NTRK3: variants seen among roughly 807,000 people sequenced by gnomAD.
The protein encoded by NTRK3 is neurotrophic receptor tyrosine kinase 3.
NTRK3 carries 24 observed loss-of-function variants against 91.7 expected under a neutral mutation model. The observed-to-expected ratio is 0.26, with a 90% CI of 0.19 to 0.37. The LOEUF (loss-of-function observed/expected upper bound fraction) is 0.37. Among genes scored for constraint, NTRK3 ranks in the 10% least tolerant of loss-of-function variants. NTRK3 has a pLI of 1.00. For missense variants in NTRK3, 880 were observed against 1,068.9 expected (o/e 0.82, Z 2.46); for synonymous variants, 483 against 404.0 (o/e 1.20, Z -2.34).
chr15:87,920,104 A>T (rs2067753654), intron 17 of NTRK3, among the ~76,000 whole-genome samples: 1 of 152,224 alleles, frequency 6.6e-6, no homozygotes, highest in Non-Finnish European at 1.5e-5. Flanking sequence ...CACAGAACTG[A>T]CACTGAGACC....
chr15:88,101,037 G>C (rs1393380466), intron 13 of NTRK3, among the ~76,000 whole-genome samples: 1 of 152,136 alleles, frequency 6.6e-6, no homozygotes, highest in Non-Finnish European at 1.5e-5. Context: ...AAACTAAAGA[G>C]CTGCTGCACA....
intron 13 of NTRK3, among the ~76,000 whole-genome samples, chr15:88,114,411 T>C (rs925885417): frequency 2.6e-5 from 4 of 152,230 alleles, no homozygotes; most frequent in African/African-American, 9.7e-5. Flanking sequence ...ATATTTTCTC[T>C]TTATTTTACA....
At chr15:87,888,083 C>G (rs1294874658) in intron 17 of NTRK3, among the ~76,000 whole-genome samples, 1 of 152,162 alleles carries the variant, frequency 6.6e-6, no homozygotes, top group African/African-American at 2.4e-5. Flanking sequence ...TTGGATTGCA[C>G]TGGGGAAGAG....
intron 14 of NTRK3, among the ~76,000 whole-genome samples, chr15:88,016,290 A>C (rs1250903885): frequency 6.6e-6 from 1 of 152,230 alleles, no homozygotes; most frequent in South Asian, 2.1e-4. Flanking sequence ...AGGATGAACT[A>C]CTGAACACAT....
chr15:87,929,135 T>C (rs1253524407), intron 17 of NTRK3, 56 bp downstream of exon 17: 4 of 1,613,514 alleles, frequency 2.5e-6, no homozygotes, highest in East Asian at 2.2e-5. Flanking sequence ...GAAAAAGACA[T>C]GTAAGCAAGG....
At chr15:87,953,409 A>G (rs929851759) in intron 14 of NTRK3, among the ~76,000 whole-genome samples, 1 of 152,192 alleles carries the variant, frequency 6.6e-6, no homozygotes, top group Non-Finnish European at 1.5e-5. Flanking sequence ...CCTGGTACTG[A>G]CAGAAACTGA....
chr15:88,054,166 C>A (rs1478000406), intron 13 of NTRK3, among the ~76,000 whole-genome samples: 1 of 152,184 alleles, frequency 6.6e-6, no homozygotes, highest in Non-Finnish European at 1.5e-5. Flanking sequence ...GTTTGTACTG[C>A]CAGTTTTAGG....
rs59254719 is a variant in NTRK3, at chr15:88,159,943, T to TACACACACACACACACACACAC, written c.396-12562_396-12541dup. Among the ~76,000 whole-genome samples the TACACACACACACACACACACAC allele has an allele frequency of 2.2e-4, 25 of 112,046 alleles. 1 individual carries two copies. Among genetic ancestry groups the TACACACACACACACACACACAC allele is most frequent in the Non-Finnish European group, 2.7e-4 (15 of 54,760 alleles). The allele number at this position is 112,046 out of a possible 152,430, so 73.5% of individuals were successfully genotyped here. A position where few individuals can be genotyped will look rare whatever the true frequency, so the allele number is the denominator to read the frequency against. ...TGCCTCCCCACCCCACCCAGCCTCCTACACACACACACACACACACACACA... is the reference window on the plus strand; with the variant it reads ...TGCCTCCCCACCCCACCCAGCCTCCTACACACACACACACACACACACACACACACACACACACACACACACA... On this transcript the variant is annotated intron_variant, in intron 5 of 18. Coordinates refer to ENST00000394480, the Ensembl canonical transcript of NTRK3.
intron 13 of NTRK3, among the ~76,000 whole-genome samples, chr15:88,070,651 C>T (rs1278804884): frequency 6.6e-6 from 1 of 152,134 alleles, no homozygotes; most frequent in East Asian, 1.9e-4. Flanking sequence ...CCTCACTCCC[C>T]TCCACCCACT....
intron 13 of NTRK3, among the ~76,000 whole-genome samples, chr15:88,090,577 C>T (rs1183707484): frequency 1.3e-5 from 2 of 152,150 alleles, no homozygotes; most frequent in African/African-American, 2.4e-5. Context: ...AGTCATTCCT[C>T]CTCCAGAAAT....
rs571351509 is a variant in NTRK3, at chr15:87,946,999, C to T, written c.1586-6246G>A. On this transcript the variant is annotated intron_variant, in intron 14 of 18. Transcript: ENST00000394480. ...CAAGTTCAAGCAATTCTGCCTCAGACTCCCGAGTATCTGGGATTTCAGGTG... is the reference window on the plus strand; with the variant it reads ...CAAGTTCAAGCAATTCTGCCTCAGATTCCCGAGTATCTGGGATTTCAGGTG... 2.0e-5 allele frequency among the ~76,000 whole-genome samples: 3 copies of T among 150,368 alleles called. No individual in the cohort carries two copies. The South Asian group carries it at 6.4e-4, about 32-fold the overall frequency.
At chr15:88,181,998 C>T (rs1358725916) in intron 5 of NTRK3, among the ~76,000 whole-genome samples, 2 of 152,148 alleles carry the variant, frequency 1.3e-5, no homozygotes, top group East Asian at 3.9e-4. Flanking sequence ...ACATCTGGTC[C>T]AAGACCCTCC....
chr15:88,023,137 A>T (rs1346725429), intron 14 of NTRK3, among the ~76,000 whole-genome samples: 1 of 152,202 alleles, frequency 6.6e-6, no homozygotes, highest in Non-Finnish European at 1.5e-5. Flanking sequence ...CTCAGACATC[A>T]GCACCCAGCA....
chr15:87,877,719 TTTCTCTTAAAG>T, intron 18 of NTRK3, among the ~76,000 whole-genome samples: 1 of 152,122 alleles, frequency 6.6e-6, no homozygotes, highest in East Asian at 1.9e-4. Context: ...ATGCTTCCAG[TTTCTCTTAAAG>T]TCCTTAACAA....
intron 13 of NTRK3, among the ~76,000 whole-genome samples, chr15:88,063,818 C>T (rs1037969879): frequency 6.6e-6 from 1 of 152,148 alleles, no homozygotes; most frequent in African/African-American, 2.4e-5. Flanking sequence ...TCATGAAAGG[C>T]CAAATAACCT....
At chr15:87,996,487 G>C (rs534306905) in intron 14 of NTRK3, among the ~76,000 whole-genome samples, 8 of 152,242 alleles carry the variant, frequency 5.3e-5, no homozygotes, top group Middle Eastern at 3.4e-3. Flanking sequence ...TTAAACATAG[G>C]GGGTGGGAGA....
chr15:87,936,348 T>C (rs566250943), intron 15 of NTRK3, among the ~76,000 whole-genome samples: 13 of 152,178 alleles, frequency 8.5e-5, no homozygotes, highest in Non-Finnish European at 1.5e-4. Context: ...TTTCCCTTTC[T>C]TATCTTCCCC....
exon 19 of NTRK3, chr15:87,859,753 G>C (rs2064469611): frequency 5.8e-6 from 1 of 172,434 alleles, no homozygotes; most frequent in African/African-American, 2.4e-5. Context: ...CAAGGACATT[G>C]TTGTTTTATA....
chr15:88,063,590 C>G (rs2046398702), intron 13 of NTRK3, among the ~76,000 whole-genome samples: 1 of 152,198 alleles, frequency 6.6e-6, no homozygotes, highest in Non-Finnish European at 1.5e-5. Flanking sequence ...CGCCTGCCTT[C>G]TCCTGGAGAC....
Sources: gnomAD v4.1 joint callset for allele counts (sites outside exome capture counted in the v4.1 genomes callset) on GRCh38, gnomAD v4.1.1 for gene constraint, MANE v1.5 for transcripts, NCBI Gene and HGNC (gene_info 2026-07-23, HGNC 2026-07-21) for gene names.